Variants in PLCH1 observed in about 807,000 individuals in gnomAD.
The protein encoded by PLCH1 is 1-phosphatidylinositol 4,5-bisphosphate phosphodiesterase eta-1.
Under a neutral mutation model 126.7 loss-of-function variants are expected in PLCH1, and 60 were observed. The ratio of observed to expected loss-of-function variants is 0.47; its 90% CI spans 0.38 to 0.59. PLCH1 has a LOEUF of 0.59. Ranked by LOEUF, PLCH1 falls within the 20% of genes least tolerant of loss-of-function variation. PLCH1 has a pLI of 0.00. For synonymous variants in PLCH1, 719 were observed against 734.9 expected, an observed-to-expected ratio of 0.98 and a Z score of 0.35; for missense variants, 1,723 against 2,040.0, an observed-to-expected ratio of 0.84 and a Z score of 2.99.
At chr3:155,603,789 T>C (rs1577116613) in intron 2 of PLCH1, among the ~76,000 whole-genome samples, 1 of 152,300 alleles carries the variant, frequency 6.6e-6, no homozygotes, top group East Asian at 1.9e-4. Context: ...TTTTTTTTAA[T>C]GATCTCTATA....
intron 1 of PLCH1, among the ~76,000 whole-genome samples, chr3:155,719,623 C>G (rs1430348523): frequency 6.6e-6 from 1 of 151,302 alleles, no homozygotes; most frequent in African/African-American, 2.4e-5. Flanking sequence ...AACTGTTGTA[C>G]TTTTTGGTAG....
chr3:155,586,295 A>C, intron 4 of PLCH1, 101 bp from the exon 5 acceptor site: 1 of 1,228,940 alleles, frequency 8.1e-7, no homozygotes, highest in Non-Finnish European at 1.2e-6. Context: ...ACAGAACTTG[A>C]GAAGAAATTA....
chr3:155,619,638 T>C (rs9874559), intron 2 of PLCH1, among the ~76,000 whole-genome samples: 73,754 of 151,754 alleles, frequency 0.49, 20,299 homozygotes, highest in African/African-American at 0.74. Context: ...GAAGAAGAGA[T>C]CACATTTTCC....
chr3:155,666,567 A>C (rs1050435590), intron 2 of PLCH1, among the ~76,000 whole-genome samples: 1 of 152,312 alleles, frequency 6.6e-6, no homozygotes, highest in African/African-American at 2.4e-5. Context: ...GTTAACACAA[A>C]TAATCACATG....
chr3:155,618,694 T>C (rs951284251), intron 2 of PLCH1, among the ~76,000 whole-genome samples: 6 of 152,182 alleles, frequency 3.9e-5, no homozygotes, highest in African/African-American at 9.7e-5. Context: ...TTGCCCAGGC[T>C]AGAGGGCAGT....
chr3:155,525,805 TATA>T (rs1721816593), intron 10 of PLCH1, among the ~76,000 whole-genome samples: 2 of 152,238 alleles, frequency 1.3e-5, no homozygotes, highest in East Asian at 3.9e-4. Context: ...GAATTATATA[TATA>T]ATATTATCTC....
At chr3:155,557,227 T>C (rs2108482033) in intron 8 of PLCH1, among the ~76,000 whole-genome samples, 1 of 152,332 alleles carries the variant, frequency 6.6e-6, no homozygotes, top group African/African-American at 2.4e-5. Context: ...TGGAAATAAT[T>C]ATGGAAAAAA....
At chr3:155,628,314 G>C (rs1334858101) in intron 2 of PLCH1, among the ~76,000 whole-genome samples, 1 of 135,510 alleles carries the variant, frequency 7.4e-6, no homozygotes, top group Admixed American at 8.1e-5. Context: ...TGTAACATAG[G>C]ATGTAAGACT....
intron 10 of PLCH1, among the ~76,000 whole-genome samples, chr3:155,548,213 TTCAA>T (rs1184810071): frequency 1.3e-5 from 2 of 152,200 alleles, no homozygotes; most frequent in Non-Finnish European, 2.9e-5. Context: ...ATCCTGCCTT[TTCAA>T]TCAGAGATTG....
At chr3:155,469,663 C>T (rs1343614229) in intron 21 of PLCH1, among the ~76,000 whole-genome samples, 2 of 152,072 alleles carry the variant, frequency 1.3e-5, no homozygotes, top group Admixed American at 6.5e-5. Context: ...CCTCTGCAGA[C>T]TTAAATGTCC....
At chr3:155,555,460 A>G (rs550786428) in intron 8 of PLCH1, among the ~76,000 whole-genome samples, 2 of 152,364 alleles carry the variant, frequency 1.3e-5, no homozygotes, top group African/African-American at 4.8e-5. Context: ...AGATGGAAAA[A>G]GACAAAACTG....
intron 21 of PLCH1, among the ~76,000 whole-genome samples, chr3:155,464,232 G>C (rs907755111): frequency 6.6e-6 from 1 of 152,200 alleles, no homozygotes; most frequent in African/African-American, 2.4e-5. Flanking sequence ...TTGGGCAAAA[G>C]AGGAAAGGGC....
intron 2 of PLCH1, among the ~76,000 whole-genome samples, chr3:155,602,092 G>T (rs544951748): frequency 6.6e-6 from 1 of 152,266 alleles, no homozygotes; most frequent in South Asian, 2.1e-4. Context: ...AAATTACCCT[G>T]AATAGGAGAC....
intron 1 of PLCH1, among the ~76,000 whole-genome samples, chr3:155,712,541 T>C (rs1428105345): frequency 1.3e-5 from 2 of 150,014 alleles, no homozygotes; most frequent in Non-Finnish European, 2.9e-5. Flanking sequence ...AGAATTATAA[T>C]ACTGTGCTAA....
At chr3:155,518,286 G>C (rs1720622047) in intron 11 of PLCH1, among the ~76,000 whole-genome samples, 1 of 152,222 alleles carries the variant, frequency 6.6e-6, no homozygotes, top group South Asian at 2.1e-4. Context: ...GTCATGTAAA[G>C]ATACTTCATT....
intron 21 of PLCH1, chr3:155,486,132 A>G: frequency 6.6e-7 from 1 of 1,504,594 alleles, no homozygotes; most frequent in South Asian, 1.2e-5. Flanking sequence ...ACAAAGCACC[A>G]TGCTGAGAAA....
chr3:155,642,389 A>G (rs963056700), intron 2 of PLCH1, among the ~76,000 whole-genome samples: 4 of 152,194 alleles, frequency 2.6e-5, no homozygotes, highest in African/African-American at 9.6e-5. Context: ...CCTTCACTGA[A>G]AGAAGTTTAA....
chr3:155,480,902 AT>A lies in PLCH1; in HGVS notation c.*65del. On this transcript the variant is annotated 3_prime_UTR_variant, in exon 23 of 23. Transcript: ENST00000460012. ...AAATCATTCCAAAGCCAAGGAACTT[AT>A]TTACTGAAAACTCTGACATTCTACA... 1 of 1,317,472 alleles carries A rather than the reference AT, an allele frequency of 7.6e-7. No individual in the cohort carries two copies. Among genetic ancestry groups the A allele is most frequent in the African/African-American group, 1.5e-5 (1 of 68,150 alleles). 81.6% of individuals were successfully genotyped at this position (1,317,472 alleles called of 1,614,324 possible).
chr3:155,582,807 C>T (rs1730887892), intron 6 of PLCH1, among the ~76,000 whole-genome samples: 1 of 152,056 alleles, frequency 6.6e-6, no homozygotes, highest in South Asian at 2.1e-4. Context: ...TAGTGAGAAA[C>T]AGACTTTGAG....
Sources: gnomAD v4.1 joint callset for allele counts (sites outside exome capture counted in the v4.1 genomes callset) on GRCh38, gnomAD v4.1.1 for gene constraint, MANE v1.5 for transcripts, NCBI Gene and HGNC (gene_info 2026-07-23, HGNC 2026-07-21) for gene names.